The following EPHA3 variants were observed in gnomAD, a reference collection of about 807,000 sequenced individuals.
EPHA3 encodes the protein ephrin type-A receptor 3.
EPHA3 carries 42 observed loss-of-function variants against 107.1 expected under a neutral mutation model. The observed-to-expected ratio is 0.39, with a 90% CI of 0.31 to 0.51. The LOEUF is 0.51. Ranked by LOEUF, EPHA3 falls within the 20% of genes least tolerant of loss-of-function variation. The pLI, the probability that EPHA3 is intolerant of heterozygous loss-of-function variation, is 0.78. For synonymous variants in EPHA3, 461 were observed against 424.8 expected, an observed-to-expected ratio of 1.09 and a Z score of -1.05; for missense variants, 1,183 against 1,211.2, an observed-to-expected ratio of 0.98 and a Z score of 0.35.
At chr3:89,407,135 G>A (rs1424562659) in intron 7 of EPHA3, 134 bp from the exon 8 acceptor site, 1 of 615,170 alleles carries the variant, frequency 1.6e-6, no homozygotes, top group African/African-American at 1.9e-5. Context: ...TTTCAACATT[G>A]TATCAGACAT....
chr3:89,313,945 G>T (rs1443038706), intron 3 of EPHA3, among the ~76,000 whole-genome samples: 1 of 151,700 alleles, frequency 6.6e-6, no homozygotes, highest in African/African-American at 2.4e-5. Flanking sequence ...TTTAAAATTT[G>T]ATTTTTTTAG....
At chr3:89,169,797 C>T (rs1281435648) in intron 2 of EPHA3, among the ~76,000 whole-genome samples, 1 of 152,068 alleles carries the variant, frequency 6.6e-6, no homozygotes, top group Non-Finnish European at 1.5e-5. Context: ...GTAAATTCTA[C>T]TTCATAACCT....
chr3:89,298,017 A>T (rs978418993), intron 3 of EPHA3, among the ~76,000 whole-genome samples: 4 of 152,194 alleles, frequency 2.6e-5, no homozygotes, highest in Non-Finnish European at 5.9e-5. Context: ...CCTGGACAAC[A>T]AAGCAAGACT....
intron 7 of EPHA3, among the ~76,000 whole-genome samples, chr3:89,400,769 A>G (rs1708947004): frequency 6.6e-6 from 1 of 152,258 alleles, no homozygotes; most frequent in East Asian, 1.9e-4. Flanking sequence ...CAGGGCACAA[A>G]CCAGTTGTCT....
At chr3:89,190,190 A>G (rs1559592556) in intron 2 of EPHA3, among the ~76,000 whole-genome samples, 1 of 152,124 alleles carries the variant, frequency 6.6e-6, no homozygotes, top group Non-Finnish European at 1.5e-5. Flanking sequence ...TTTTTTTAAC[A>G]CTTACTAAGA....
intron 5 of EPHA3, among the ~76,000 whole-genome samples, chr3:89,390,792 T>A (rs2107497936): frequency 6.6e-6 from 1 of 151,144 alleles, no homozygotes; most frequent in East Asian, 2.0e-4. Flanking sequence ...AGCATTTTTT[T>A]TTTTTTTTTG....
chr3:89,230,830 A>T (rs534948121), intron 3 of EPHA3, among the ~76,000 whole-genome samples: 118 of 145,694 alleles, frequency 8.1e-4, no homozygotes, highest in African/African-American at 2.5e-3. Context: ...TCTCTCACAC[A>T]CACACACACA....
chr3:89,130,852 G>A (rs1704193811), intron 2 of EPHA3, among the ~76,000 whole-genome samples: 1 of 152,024 alleles, frequency 6.6e-6, no homozygotes, highest in African/African-American at 2.4e-5. Flanking sequence ...AAGCCAAGAT[G>A]GACTCGATCT....
chr3:89,411,621 T>G (rs956883388), intron 9 of EPHA3, among the ~76,000 whole-genome samples: 5 of 151,918 alleles, frequency 3.3e-5, no homozygotes, highest in Non-Finnish European at 7.4e-5. Flanking sequence ...CTATGAAAGC[T>G]TCACAAGAAC....
At position 89,169,811 on chromosome 3, in the gene EPHA3, T is replaced by C. The variant is rs552065478; in HGVS notation, c.154-40049T>C. On this transcript the variant is annotated intron_variant, in intron 2 of 16. Coordinates refer to ENST00000336596, the MANE Select transcript of EPHA3 (RefSeq NM_005233.6). ...TGTAAATTCTACTTCATAACCTTAA[T>C]TTTGTTTTTTTGTTCATATTTTCTG... Among the ~76,000 whole-genome samples, 11 of 152,342 alleles carry C rather than the reference T, an allele frequency of 7.2e-5. No homozygotes were observed. The South Asian group carries it at 2.3e-3, about 32-fold the overall frequency.
chr3:89,130,678 A>G (rs1434426480), intron 2 of EPHA3, among the ~76,000 whole-genome samples: 1 of 143,230 alleles, frequency 7.0e-6, no homozygotes, highest in Non-Finnish European at 1.5e-5. Context: ...TCTGTCACCC[A>G]GGCTGGAGCG....
intron 10 of EPHA3, among the ~76,000 whole-genome samples, chr3:89,417,041 C>T (rs1247163488): frequency 1.3e-5 from 2 of 151,402 alleles, no homozygotes; most frequent in Non-Finnish European, 3.0e-5. Flanking sequence ...GGTAGTTAGG[C>T]AATTTATCCT....
At chr3:89,238,716 C>T (rs1300395340) in intron 3 of EPHA3, among the ~76,000 whole-genome samples, 1 of 152,162 alleles carries the variant, frequency 6.6e-6, no homozygotes, top group Non-Finnish European at 1.5e-5. Context: ...TGGAATTGAT[C>T]TTATTTTCTT....
At chr3:89,319,696 G>T (rs1364143914) in intron 3 of EPHA3, among the ~76,000 whole-genome samples, 1 of 151,854 alleles carries the variant, frequency 6.6e-6, no homozygotes, top group Non-Finnish European at 1.5e-5. Context: ...TTTATCGTTT[G>T]TGCAAAAACT....
chr3:89,439,410 A>T (rs1478288319), intron 13 of EPHA3, among the ~76,000 whole-genome samples: 1 of 152,122 alleles, frequency 6.6e-6, no homozygotes, highest in African/African-American at 2.4e-5. Flanking sequence ...GTGAGCCTTG[A>T]TTATGCCATT....
chr3:89,258,236 G>C (rs925452067), intron 3 of EPHA3, among the ~76,000 whole-genome samples: 3 of 152,202 alleles, frequency 2.0e-5, no homozygotes, highest in African/African-American at 7.2e-5. Flanking sequence ...AGGGGGCCAT[G>C]GGGGAGACAT....
intron 3 of EPHA3, among the ~76,000 whole-genome samples, chr3:89,227,781 T>C (rs1274378170): frequency 1.3e-5 from 2 of 152,008 alleles, no homozygotes; most frequent in Non-Finnish European, 2.9e-5. Flanking sequence ...TAGAACATGA[T>C]GGCTGTTATT....
chr3:89,361,754 G>C lies in EPHA3; in HGVS notation c.1306+19664G>C, dbSNP rs150942190. On this transcript the variant is annotated intron_variant, in intron 5 of 16. Coordinates refer to ENST00000336596, the MANE Select transcript of EPHA3 (RefSeq NM_005233.6). The stretch of plus-strand genomic sequence containing the variant: ...ATGCCCATTCTCTGCTATCCCCTTA[G>C]CCTGGAGAGGTGATAATAACTTGAG... 8.3e-4 allele frequency among the ~76,000 whole-genome samples: 125 copies of C among 150,924 alleles called. 9 individuals are homozygous for C. Among genetic ancestry groups the C allele is most frequent in the Admixed American group, 1.8e-3 (27 of 15,026 alleles).
intron 1 of EPHA3, 95 bp downstream of exon 1, chr3:89,107,931 C>A (rs1028559775): frequency 8.1e-7 from 1 of 1,232,352 alleles, no homozygotes; most frequent in Non-Finnish European, 1.2e-6. Context: ...CGGGAAGGTG[C>A]CTCCGAATAG....
Sources: allele counts gnomAD v4.1 joint callset (sites outside exome capture counted in the v4.1 genomes callset), GRCh38; gene constraint gnomAD v4.1.1; transcripts MANE v1.5; gene names NCBI Gene and HGNC (gene_info 2026-07-23, HGNC 2026-07-21).